The following MED13L variants were observed in gnomAD, a reference collection of about 807,000 sequenced individuals.
MED13L encodes the protein mediator complex subunit 13L, also known as mediator of RNA polymerase II transcription subunit 13-like.
In MED13L, 7 loss-of-function variants were observed where a neutral mutation model predicts 220.9. The ratio of observed to expected loss-of-function variants is 0.03; its 90% confidence interval spans 0.02 to 0.06. MED13L has a LOEUF of 0.06. Ranked by LOEUF, MED13L falls within the 10% of genes least tolerant of loss-of-function variation. The pLI is 1.00. For synonymous variants in MED13L, 1,011 were observed against 1,015.2 expected, an observed-to-expected ratio of 1.00 and a Z score of 0.08; for missense variants, 1,965 against 2,760.5, an observed-to-expected ratio of 0.71 and a Z score of 6.46.
intron 2 of MED13L, among the ~76,000 whole-genome samples, chr12:116,153,483 A>T (rs1318909377): frequency 6.6e-6 from 1 of 152,246 alleles, no homozygotes; most frequent in African/African-American, 2.4e-5. Flanking sequence ...TTTCTGTAAT[A>T]GCAATAACCA....
intron 2 of MED13L, among the ~76,000 whole-genome samples, chr12:116,147,223 G>GA (rs1366053264): frequency 6.6e-6 from 1 of 152,132 alleles, no homozygotes; most frequent in Non-Finnish European, 1.5e-5. Context: ...TATTACAAAT[G>GA]ACAGGGATAC....
intron 4 of MED13L, among the ~76,000 whole-genome samples, chr12:116,059,645 T>C (rs1395069269): frequency 2.0e-5 from 3 of 152,114 alleles, no homozygotes; most frequent in African/African-American, 7.2e-5. Flanking sequence ...CTCGAACTCC[T>C]GACCTCAGGT....
At chr12:116,059,070 T>C (rs1377665294) in intron 4 of MED13L, among the ~76,000 whole-genome samples, 1 of 152,108 alleles carries the variant, frequency 6.6e-6, no homozygotes, top group Non-Finnish European at 1.5e-5. Context: ...TTAAACACAT[T>C]TTTCTTTTTT....
At position 116,022,437 on chromosome 12, in the gene MED13L, C is replaced by T. The variant is rs2137446377; in HGVS notation, c.625+19G>A. The stretch of plus-strand genomic sequence containing the variant: ...CTCGGTGGCGGATAGGGGTGGAGAG[C>T]AGGAACACCCATACTTACCTTGAAA... On this transcript the variant is annotated intron_variant, in intron 5 of 30. Transcript: ENST00000281928. 3 of 1,613,228 alleles carry T rather than the reference C, an allele frequency of 1.9e-6. No individual in the cohort carries two copies. Among genetic ancestry groups the T allele is most frequent in the Middle Eastern group, 3.3e-4 (2 of 6,048 alleles).
intron 2 of MED13L, among the ~76,000 whole-genome samples, chr12:116,199,836 A>C (rs61935849): frequency 0.069 from 10,464 of 152,230 alleles, 490 homozygotes; most frequent in Middle Eastern, 0.11. Context: ...ATCAATTACA[A>C]CTAATACCTT....
At chr12:116,015,421 C>T in intron 7 of MED13L, 147 bp from the exon 8 acceptor site, 2 of 814,822 alleles carry the variant, frequency 2.5e-6, no homozygotes, top group Non-Finnish European at 4.1e-6. Context: ...ATAACACTAT[C>T]TATAATCATG....
intron 1 of MED13L, among the ~76,000 whole-genome samples, chr12:116,247,400 T>A (rs1437675091): frequency 2.0e-5 from 3 of 152,158 alleles, no homozygotes; most frequent in African/African-American, 7.2e-5. Context: ...AGCCAAAAGG[T>A]TATTTAACCA....
chr12:116,172,996 A>T (rs758705742), intron 2 of MED13L, among the ~76,000 whole-genome samples: 1 of 151,658 alleles, frequency 6.6e-6, no homozygotes, highest in East Asian at 1.9e-4. Context: ...CTCCCAGTCC[A>T]GGAGCTAAGA....
chr12:115,971,164 T>A (rs1161109657), intron 26 of MED13L, among the ~76,000 whole-genome samples: 1 of 152,200 alleles, frequency 6.6e-6, no homozygotes, highest in African/African-American at 2.4e-5. Context: ...TTATAACACT[T>A]AATGAATGCT....
At chr12:116,224,977 G>A (rs747702578) in intron 2 of MED13L, among the ~76,000 whole-genome samples, 1 of 152,154 alleles carries the variant, frequency 6.6e-6, no homozygotes, top group Non-Finnish European at 1.5e-5. Flanking sequence ...GATTACAGGC[G>A]TGAGCCACCA....
intron 2 of MED13L, among the ~76,000 whole-genome samples, chr12:116,224,677 A>ATTGTT (rs1034804589): frequency 1.3e-5 from 2 of 151,922 alleles, no homozygotes; most frequent in South Asian, 2.1e-4. Context: ...TGTTGTTGTT[A>ATTGTT]TTGTTTTGTT....
At chr12:115,971,165 A>C (rs146959318) in intron 26 of MED13L, among the ~76,000 whole-genome samples, 341 of 152,346 alleles carry the variant, frequency 2.2e-3, no homozygotes, top group African/African-American at 7.9e-3. Context: ...TATAACACTT[A>C]ATGAATGCTT....
At chr12:116,169,051 A>G (rs1218589840) in intron 2 of MED13L, 1 of 152,352 alleles carries the variant, frequency 6.6e-6, no homozygotes, top group Admixed American at 6.5e-5. Flanking sequence ...CATTATGAGC[A>G]AAGCTCGTCG....
intron 26 of MED13L, 39 bp from the exon 27 acceptor site, chr12:115,970,809 A>C (rs1226904022): frequency 6.3e-7 from 1 of 1,588,478 alleles, no homozygotes; most frequent in South Asian, 1.1e-5. Context: ...ATCAATGAAC[A>C]ACCCCAGAAA....
At chr12:116,251,264 C>A (rs1219549386) in intron 1 of MED13L, among the ~76,000 whole-genome samples, 1 of 139,372 alleles carries the variant, frequency 7.2e-6, no homozygotes, top group Non-Finnish European at 1.5e-5. Context: ...AATATAAATT[C>A]TCTAAATCTT....
intron 2 of MED13L, among the ~76,000 whole-genome samples, chr12:116,171,119 G>GGGATCTCCAT (rs1879653303): frequency 6.6e-6 from 1 of 151,990 alleles, no homozygotes; most frequent in Non-Finnish European, 1.5e-5. Flanking sequence ...TAGTTTTTTT[G>GGGATCTCCAT]ACTTGTGGGA....
In MED13L at chr12:115,991,059, C is replaced by T. The variant is rs1565996916; in HGVS notation, c.3895G>A (p.Val1299Met). ...CAAGAGTGCACAGTGGCACTTCTCACCAGAGCTTCGTCCACTTTTCCACCA... is the reference window on the plus strand; with the variant it reads ...CAAGAGTGCACAGTGGCACTTCTCATCAGAGCTTCGTCCACTTTTCCACCA... ...PTGGKVDEAL[V>M]RSATVHSWPH... The change falls in exon 17 of 31, where the codon GTG becomes ATG. Residue 1299 changes from valine to methionine, a missense_variant. By Grantham distance (21) the Val-to-Met change is conservative. Transcript: ENST00000281928. This position sits in a 1 kb window ranked among gnomAD's most constrained non-coding sequence, Gnocchi z 7.7. The T allele has an allele frequency of 6.2e-7, 1 of 1,614,186 alleles. No individual in the cohort carries two copies. The highest frequency in any genetic ancestry group is 8.5e-7 in the Non-Finnish European group (1 of 1,180,022).
At position 115,978,075 on chromosome 12, in the gene MED13L, C is replaced by T. The variant is rs1877066860; in HGVS notation, c.5365-2337G>A. Among the ~76,000 whole-genome samples, 4 of 151,744 alleles carry T rather than the reference C, an allele frequency of 2.6e-5. No homozygotes were observed. In the South Asian group the frequency reaches 8.3e-4, roughly 32 times the overall value. On this transcript the variant is annotated intron_variant, in intron 23 of 30. Transcript: ENST00000281928. ...ACCAGCGTGAGCAATATAATTAGAC[C>T]CTGTCTAAAAAAGAAAAAAAAATCA...
intron 23 of MED13L, 112 bp from the exon 24 acceptor site, chr12:115,975,850 T>TTC (rs147570553): frequency 5.5e-4 from 498 of 905,336 alleles, no homozygotes; most frequent in Non-Finnish European, 6.4e-4. Context: ...AGTAAATCGT[T>TTC]TCTCTCTCTC....
Sources: allele counts gnomAD v4.1 joint callset (sites outside exome capture counted in the v4.1 genomes callset), GRCh38; gene constraint gnomAD v4.1.1; non-coding constraint Gnocchi (gnomAD v3.1); transcripts MANE v1.5; gene names NCBI Gene and HGNC (gene_info 2026-07-23, HGNC 2026-07-21).